Variants in SLC4A4 observed in about 807,000 individuals in gnomAD.
The protein encoded by SLC4A4 is electrogenic sodium bicarbonate cotransporter 1.
In SLC4A4, 27 loss-of-function variants were observed where a neutral mutation model predicts 111.5. The observed-to-expected ratio is 0.24, with a 90% CI of 0.18 to 0.33. The LOEUF is 0.33. SLC4A4 is among the 10% of genes least tolerant of loss of function. SLC4A4 has a pLI of 1.00. For synonymous variants in SLC4A4, 443 were observed against 463.4 expected (o/e 0.96, Z 0.57); for missense variants, 909 against 1,315.5 (o/e 0.69, Z 4.78).
chr4:71,148,378 A>G (rs769627164), intron 2 of SLC4A4, among the ~76,000 whole-genome samples: 4 of 152,156 alleles, frequency 2.6e-5, no homozygotes, highest in Non-Finnish European at 5.9e-5. Flanking sequence ...AACCTTCCAA[A>G]GAAATTAATT....
At chr4:71,170,536 G>T (rs868839719) in intron 2 of SLC4A4, among the ~76,000 whole-genome samples, 3 of 152,106 alleles carry the variant, frequency 2.0e-5, no homozygotes, top group African/African-American at 7.2e-5. Flanking sequence ...TATCAAGGGG[G>T]CTTTTACTAT....
chr4:71,330,227 A>G (rs1197563796), intron 3 of SLC4A4, among the ~76,000 whole-genome samples: 1 of 152,030 alleles, frequency 6.6e-6, no homozygotes, highest in African/African-American at 2.4e-5. Flanking sequence ...TTTGTTGAGA[A>G]TTTTTGCATC....
At chr4:71,439,377 G>A (rs921080443) in intron 7 of SLC4A4, among the ~76,000 whole-genome samples, 7 of 130,764 alleles carry the variant, frequency 5.4e-5, no homozygotes, top group Admixed American at 8.8e-5. Context: ...GCAGTGAGCC[G>A]AGATCGCGCC....
chr4:71,383,786 G>A (rs1308177681), intron 6 of SLC4A4, among the ~76,000 whole-genome samples: 1 of 151,876 alleles, frequency 6.6e-6, no homozygotes, highest in Non-Finnish European at 1.5e-5. Context: ...CTTTTTTCAT[G>A]ATATTAATAA....
intron 7 of SLC4A4, among the ~76,000 whole-genome samples, chr4:71,435,750 G>T (rs570499683): frequency 1.8e-4 from 28 of 152,150 alleles, no homozygotes. Flanking sequence ...GTGGGCAAAG[G>T]ATATGAGCAG....
In SLC4A4 at chr4:71,342,472, CT is replaced by C. The variant is rs1728971683; in HGVS notation, c.389+2969del. ...GAGCAAGTCATGTAGTCTTTCTGAG[CT>C]TGAATTTCTTTTTTATCAGATGAAG... On this transcript the variant is annotated intron_variant, in intron 4 of 25. Transcript: ENST00000264485. Among the ~76,000 whole-genome samples the C allele has an allele frequency of 3.9e-5, 6 of 152,244 alleles. 1 individual carries two copies. Among genetic ancestry groups the C allele is most frequent in the Admixed American group, 3.9e-4 (6 of 15,288 alleles).
At chr4:71,439,435 C>CAAAAAAAAAAAAAAAAAAAAAAAAAAAAA (rs56283596) in intron 7 of SLC4A4, among the ~76,000 whole-genome samples, 2 of 34,186 alleles carry the variant, frequency 5.9e-5, no homozygotes, top group Admixed American at 5.2e-4. Flanking sequence ...GACTCTGTCT[C>CAAAAAAAAAAAAAAAAAAAAAAAAAAAAA]AAAAAAAAAA....
At chr4:71,532,392 A>G (rs1734014969) in intron 17 of SLC4A4, among the ~76,000 whole-genome samples, 2 of 152,162 alleles carry the variant, frequency 1.3e-5, no homozygotes, top group Middle Eastern at 3.2e-3. Context: ...AACTGATAAT[A>G]CTATTATAAA....
In SLC4A4 at chr4:71,450,533, T is replaced by G; in HGVS notation, c.1198T>G (p.Ser400Ala). The change falls in exon 10 of 26, where the codon TCT becomes GCT. Residue 400 changes from serine to alanine, a missense_variant. Physicochemically the swap from Ser to Ala is moderately conservative, Grantham distance 99. Transcript: ENST00000264485. ...RIEPPKSLPS[S>A]DKRKNMYSGG... ...AGAGCCTCCTAAGAGTCTTCCATCC[T>G]CTGACAAAAGGTAAATTATAGGCAG... The G allele has an allele frequency of 6.2e-7, 1 of 1,613,504 alleles. No homozygotes were observed. The highest frequency in any genetic ancestry group is 1.7e-4 in the Middle Eastern group (1 of 6,054).
chr4:71,356,887 G>T, intron 5 of SLC4A4, 121 bp from the exon 6 acceptor site: 1 of 906,038 alleles, frequency 1.1e-6, no homozygotes, highest in Non-Finnish European at 1.7e-6. Flanking sequence ...TGGGAAATTA[G>T]AAATTTAGAA....
At chr4:71,094,784 T>C (rs1181807102) in intron 2 of SLC4A4, among the ~76,000 whole-genome samples, 1 of 148,162 alleles carries the variant, frequency 6.7e-6, no homozygotes, top group Admixed American at 6.7e-5. Flanking sequence ...TCACGAGTCC[T>C]CATTTTTCCA....
chr4:71,337,631 A>C (rs957377779), intron 3 of SLC4A4, among the ~76,000 whole-genome samples: 3 of 152,126 alleles, frequency 2.0e-5, no homozygotes, highest in Non-Finnish European at 4.4e-5. Context: ...TTGTTGGCTC[A>C]CAGGATATAT....
At chr4:71,200,802 A>G (rs905172440) in intron 1 of SLC4A4, among the ~76,000 whole-genome samples, 3 of 134,684 alleles carry the variant, frequency 2.2e-5, no homozygotes, top group Non-Finnish European at 4.5e-5. Context: ...AACTTAAAGT[A>G]TAGTTAAAAA....
chr4:71,325,485 T>C (rs1430409956), intron 3 of SLC4A4, among the ~76,000 whole-genome samples: 1 of 152,016 alleles, frequency 6.6e-6, no homozygotes, highest in Non-Finnish European at 1.5e-5. Flanking sequence ...ATTAGAAACC[T>C]ACATCTGCCT....
intron 1 of SLC4A4, among the ~76,000 whole-genome samples, chr4:71,211,150 C>CA (rs1486770489): frequency 6.6e-6 from 1 of 152,176 alleles, no homozygotes; most frequent in African/African-American, 2.4e-5. Flanking sequence ...ACTTTTACCA[C>CA]AAAATACCTT....
chr4:71,376,342 C>T (rs1051282192), intron 6 of SLC4A4, among the ~76,000 whole-genome samples: 15 of 150,860 alleles, frequency 9.9e-5, no homozygotes, highest in East Asian at 3.9e-4. Context: ...GCTGGGACTA[C>T]GGGCACCCGC....
Position 71,571,480 on chromosome 4 carries a change from A to T in SLC4A4, c.*3729A>T, listed in dbSNP as rs1362182170. 6.6e-6 allele frequency: 1 copy of T among 152,228 alleles called. No individual in the cohort carries two copies. The highest frequency in any genetic ancestry group is 1.5e-5 in the Non-Finnish European group (1 of 67,866). 9.4% of individuals were successfully genotyped at this position (152,228 alleles called of 1,614,324 possible). On this transcript the variant is annotated 3_prime_UTR_variant, in exon 26 of 26. Transcript: ENST00000264485. ...GAGCTTCATTGCAGCCTGAAATTTT[A>T]AAAAAGTTGTGTAATACGCCAACCA... is the stretch of plus-strand genomic sequence containing the variant.
intron 6 of SLC4A4, among the ~76,000 whole-genome samples, chr4:71,384,966 G>T (rs1003629980): frequency 6.6e-6 from 1 of 151,148 alleles, no homozygotes; most frequent in Non-Finnish European, 1.5e-5. Context: ...ACCATGGCAC[G>T]TGTATACCTA....
At chr4:71,148,106 A>T (rs185591005) in intron 2 of SLC4A4, among the ~76,000 whole-genome samples, 1 of 152,292 alleles carries the variant, frequency 6.6e-6, no homozygotes, top group Admixed American at 6.5e-5. Context: ...TTTAAAGATC[A>T]CCGACCCCAC....
Sources: gnomAD v4.1 joint callset for allele counts (sites outside exome capture counted in the v4.1 genomes callset) on GRCh38, gnomAD v4.1.1 for gene constraint, MANE v1.5 for transcripts, NCBI Gene and HGNC (gene_info 2026-07-23, HGNC 2026-07-21) for gene names.